TLN2: variants seen among roughly 807,000 people sequenced by gnomAD.
TLN2 encodes the protein talin-2.
In TLN2, 118 loss-of-function variants were observed where a neutral mutation model predicts 294.7. That is an observed-to-expected ratio of 0.40 (90% confidence interval 0.34 to 0.47). The LOEUF is 0.47. TLN2 is among the 20% of genes least tolerant of loss of function. The probability of loss-of-function intolerance (pLI) is 0.84; values close to 1 mark genes in which losing one functional copy is unlikely to be tolerated. For missense variants in TLN2, 3,083 were observed against 3,282.2 expected (o/e 0.94, Z 1.48); for synonymous variants, 1,431 against 1,304.5 (o/e 1.10, Z -2.09).
intron 9 of TLN2, among the ~76,000 whole-genome samples, chr15:62,667,166 CCA>C (rs1223025311): frequency 3.3e-5 from 5 of 152,112 alleles, no homozygotes; most frequent in Non-Finnish European, 7.4e-5. Flanking sequence ...CGGGGTTTCA[CCA>C]TGTTAGCCAG....
chr15:62,654,715 A>G (rs996911565), intron 7 of TLN2, among the ~76,000 whole-genome samples: 2 of 133,182 alleles, frequency 1.5e-5, no homozygotes, highest in South Asian at 4.8e-4. Context: ...AGATTGTGCC[A>G]CTGCACTCCA....
chr15:62,723,522 A>T (rs2140923433), intron 26 of TLN2, among the ~76,000 whole-genome samples: 1 of 150,124 alleles, frequency 6.7e-6, no homozygotes, highest in Non-Finnish European at 1.5e-5. Flanking sequence ...GGGTACAGGA[A>T]GACACACTGT....
At chr15:62,633,641 G>C (rs1012156631) in intron 3 of TLN2, among the ~76,000 whole-genome samples, 1 of 152,084 alleles carries the variant, frequency 6.6e-6, no homozygotes, top group Non-Finnish European at 1.5e-5. Flanking sequence ...TTATTCTACT[G>C]ATTACCACTT....
intron 47 of TLN2, 146 bp from the exon 48 acceptor site, chr15:62,797,073 G>A (rs57355661): frequency 2.1e-5 from 17 of 808,544 alleles, no homozygotes; most frequent in East Asian, 1.1e-4. Context: ...ATGAGAGTCC[G>A]TTGGTAAAGG....
chr15:62,426,453 C>T lies in TLN2; in HGVS notation c.-238+35768C>T, dbSNP rs182700841. Among the ~76,000 whole-genome samples the T allele has an allele frequency of 9.2e-5, 14 of 152,256 alleles. No individual in the cohort carries two copies. The East Asian group carries it at 2.1e-3, about 23-fold the overall frequency. ...TTGGTTCTGACTGGGAGGAGACAGACGGCTGCTGTGGGCTTTAACTGGCAG... is the reference window on the plus strand; with the variant it reads ...TTGGTTCTGACTGGGAGGAGACAGATGGCTGCTGTGGGCTTTAACTGGCAG... On this transcript the variant is annotated intron_variant, in intron 1 of 58. Transcript: ENST00000636159.
rs182804878 is a variant in TLN2, at chr15:62,639,911, T to C, written c.-36-7364T>C. On this transcript the variant is annotated intron_variant, in intron 3 of 58. Coordinates refer to ENST00000636159, the MANE Select transcript of TLN2 (RefSeq NM_015059.3). ...TGGGATGCCCTGCTTCCTTCCCTCC[T>C]GGTCCCTCCTTAAATTAAAGATAGC... 3.5e-3 allele frequency among the ~76,000 whole-genome samples: 536 copies of C among 152,320 alleles called. 4 individuals are homozygous for C. Among genetic ancestry groups the C allele is most frequent in the South Asian group, 7.5e-3 (36 of 4,826 alleles).
At chr15:62,529,561 T>TAAA (rs11312497) in intron 1 of TLN2, among the ~76,000 whole-genome samples, 4 of 135,188 alleles carry the variant, frequency 3.0e-5, no homozygotes, top group Non-Finnish European at 4.7e-5. Context: ...CTTAAAAGCT[T>TAAA]AAAAAAAAAA....
chr15:62,465,388 A>G (rs1051467807), intron 1 of TLN2, among the ~76,000 whole-genome samples: 1 of 152,112 alleles, frequency 6.6e-6, no homozygotes, highest in Admixed American at 6.6e-5. Flanking sequence ...CTTTCAGAGA[A>G]CGAGTGTGAT....
Position 62,652,184 on chromosome 15 carries a change from C to T in TLN2, c.364+50C>T, listed in dbSNP as rs77328162. 3.5e-3 allele frequency: 5,098 copies of T among 1,453,906 alleles called. 144 individuals are homozygous for T. In the African/African-American group the frequency reaches 0.064, roughly 18 times the overall value. 90.1% of individuals were successfully genotyped at this position (1,453,906 alleles called of 1,614,324 possible). On this transcript the variant is annotated intron_variant, in intron 6 of 58. Coordinates refer to ENST00000636159, the MANE Select transcript of TLN2 (RefSeq NM_015059.3). Reference sequence around the variant, plus strand: ...TGTCTTTTTGCTTAGTTTTTAATTACAGGCCTCTTCTTTTTTCCACCTGCA... The same window carrying T: ...TGTCTTTTTGCTTAGTTTTTAATTATAGGCCTCTTCTTTTTTCCACCTGCA...
chr15:62,543,047 ATTGT>A (rs2041789880), intron 1 of TLN2, among the ~76,000 whole-genome samples: 1 of 151,986 alleles, frequency 6.6e-6, no homozygotes, highest in African/African-American at 2.4e-5. Context: ...TCAAGGAGAG[ATTGT>A]TTGCTAGGAG....
intron 23 of TLN2, among the ~76,000 whole-genome samples, chr15:62,717,321 T>C (rs556927881): frequency 2.4e-4 from 37 of 152,324 alleles, no homozygotes; most frequent in African/African-American, 7.5e-4. Context: ...CTTTTTGTTT[T>C]TGAGAAAAAC....
rs372744408 is a variant in TLN2, at chr15:62,477,908, G to A, written c.-238+87223G>A. 1.9e-3 allele frequency among the ~76,000 whole-genome samples: 264 copies of A among 138,276 alleles called. 4 individuals are homozygous for A. In the East Asian group the frequency reaches 0.022, roughly 11 times the overall value. The allele number at this position is 138,276 out of a possible 152,430, so 90.7% of individuals were successfully genotyped here. A position where few individuals can be genotyped will look rare whatever the true frequency, so the allele number is the denominator to read the frequency against. The stretch of plus-strand genomic sequence containing the variant: ...CAGGTGGTGGGGGGGATGGAGGGGG[G>A]GGTGCAGCGGGGGCAGAGGGGAGCG... On this transcript the variant is annotated intron_variant, in intron 1 of 58. Transcript: ENST00000636159.
At chr15:62,488,738 G>T (rs1457256974) in intron 1 of TLN2, among the ~76,000 whole-genome samples, 1 of 152,124 alleles carries the variant, frequency 6.6e-6, no homozygotes, top group Non-Finnish European at 1.5e-5. Flanking sequence ...GCTTCTAATT[G>T]ATCTCAAAAT....
intron 1 of TLN2, among the ~76,000 whole-genome samples, chr15:62,394,400 C>G (rs2032356901): frequency 6.6e-6 from 1 of 152,080 alleles, no homozygotes; most frequent in South Asian, 2.1e-4. Flanking sequence ...TTATTAGGTA[C>G]AAAAATTTTA....
intron 22 of TLN2, 115 bp from the exon 23 acceptor site, chr15:62,716,216 G>A (rs891619464): frequency 1.2e-5 from 15 of 1,218,314 alleles, no homozygotes; most frequent in Non-Finnish European, 1.6e-5. Context: ...ATTGCTTGTG[G>A]CATTTGACTA....
intron 1 of TLN2, among the ~76,000 whole-genome samples, chr15:62,407,468 GT>G (rs770910451): frequency 2.2e-4 from 34 of 152,064 alleles, no homozygotes; most frequent in Non-Finnish European, 4.3e-4. Context: ...TATTTTTATT[GT>G]TTCCCCCGGA....
chr15:62,525,778 C>G (rs1460563475), intron 1 of TLN2, among the ~76,000 whole-genome samples: 1 of 152,176 alleles, frequency 6.6e-6, no homozygotes, highest in Admixed American at 6.5e-5. Context: ...CTGGATGCTG[C>G]CCTCACCTGT....
At chr15:62,447,494 CTT>C (rs555848983) in intron 1 of TLN2, among the ~76,000 whole-genome samples, 11 of 131,600 alleles carry the variant, frequency 8.4e-5, no homozygotes, top group Admixed American at 2.3e-4. Flanking sequence ...GTTAACTTTA[CTT>C]TTTTTTTTTT....
At chr15:62,673,310 C>CTTGTTTTTTTTT (rs2055684358) in intron 9 of TLN2, among the ~76,000 whole-genome samples, 1 of 42,856 alleles carries the variant, frequency 2.3e-5, no homozygotes, top group African/African-American at 7.5e-5. Context: ...TTAGATGTTG[C>CTTGTTTTTTTTT]TTTTTTTTTT....
Sources: gnomAD v4.1 joint callset for allele counts (sites outside exome capture counted in the v4.1 genomes callset) on GRCh38, gnomAD v4.1.1 for gene constraint, MANE v1.5 for transcripts, NCBI Gene and HGNC (gene_info 2026-07-23, HGNC 2026-07-21) for gene names.